APTX: variants seen among roughly 807,000 people sequenced by gnomAD.
APTX encodes the protein aprataxin.
Under a neutral mutation model 42.3 loss-of-function variants are expected in APTX, and 33 were observed. The ratio of observed to expected loss-of-function variants is 0.78; its 90% CI spans 0.59 to 1.04. The LOEUF (loss-of-function observed/expected upper bound fraction) is 1.04. Ranked by LOEUF, APTX falls within the 50% of genes least tolerant of loss-of-function variation. The pLI is 0.00. For synonymous variants in APTX, 130 were observed against 146.7 expected, an observed-to-expected ratio of 0.89 and a Z score of 0.82; for missense variants, 421 against 415.1, an observed-to-expected ratio of 1.01 and a Z score of -0.12.
At chr9:33,007,404 A>C (rs1290527072) in intron 1 of APTX, among the ~76,000 whole-genome samples, 1 of 152,224 alleles carries the variant, frequency 6.6e-6, no homozygotes, top group Non-Finnish European at 1.5e-5. Flanking sequence ...GTGAGCAAGA[A>C]TGGACTAGTG....
At chr9:33,000,315 A>G (rs1219968055) in intron 1 of APTX, among the ~76,000 whole-genome samples, 2 of 152,176 alleles carry the variant, frequency 1.3e-5, no homozygotes, top group Non-Finnish European at 2.9e-5. Context: ...CTGTGGACAT[A>G]TAAAAAGATC....
At chr9:32,981,842 G>A (rs1029838931) in intron 6 of APTX, among the ~76,000 whole-genome samples, 2 of 152,100 alleles carry the variant, frequency 1.3e-5, no homozygotes, top group Non-Finnish European at 2.9e-5. Flanking sequence ...TAATAAGTTA[G>A]GTGAAGGAAG....
intron 1 of APTX, chr9:33,016,335 C>T (rs1008795899): frequency 2.6e-5 from 4 of 152,088 alleles, no homozygotes; most frequent in Non-Finnish European, 5.9e-5. Context: ...TTTTCTTAAG[C>T]GTTTTAGCCA....
At chr9:33,024,665 G>A (rs921281521) in intron 1 of APTX, 1 of 152,196 alleles carries the variant, frequency 6.6e-6, no homozygotes, top group Non-Finnish European at 1.5e-5. Flanking sequence ...GTCCAGGGCA[G>A]ATAACATGTG....
At chr9:32,985,884 T>G in intron 5 of APTX, 87 bp downstream of exon 5, 1 of 1,196,212 alleles carries the variant, frequency 8.4e-7, no homozygotes, top group East Asian at 2.3e-5. Flanking sequence ...AAGACTGATA[T>G]CCTTTGATTT....
chr9:33,019,138 T>C (rs1246703482), intron 1 of APTX, among the ~76,000 whole-genome samples: 1 of 152,160 alleles, frequency 6.6e-6, no homozygotes, highest in African/African-American at 2.4e-5. Flanking sequence ...TAACAATAGG[T>C]TAAGACTGAG....
In APTX at chr9:32,972,683, A is replaced by G. The variant is rs1276133674; in HGVS notation, c.*815T>C. ...CTCTACGCAACTTTTTCATTCACCA[A>G]CCACCTTTCCATGCATCAGAACCTA... On this transcript the variant is annotated 3_prime_UTR_variant, in exon 8 of 8. Coordinates refer to ENST00000379817, the MANE Select transcript of APTX (RefSeq NM_001195248.2). The G allele has an allele frequency of 4.5e-6, 2 of 441,204 alleles. No individual in the cohort carries two copies. The highest frequency in any genetic ancestry group is 4.0e-5 in the African/African-American group (2 of 49,452). 27.3% of individuals were successfully genotyped at this position (441,204 alleles called of 1,614,324 possible).
chr9:32,980,453 G>C (rs934297652), intron 6 of APTX: 1 of 156,362 alleles, frequency 6.4e-6, no homozygotes, highest in Non-Finnish European at 1.4e-5. Context: ...GGTGAGAAGT[G>C]TGTAAAACTG....
chr9:32,988,666 G>A (rs1053834835), intron 2 of APTX, among the ~76,000 whole-genome samples: 3 of 110,544 alleles, frequency 2.7e-5, no homozygotes, highest in Non-Finnish European at 3.3e-5. Context: ...GGGCAACAGA[G>A]TGAGACCCTA....
intron 1 of APTX, among the ~76,000 whole-genome samples, chr9:33,009,561 T>C (rs1587642327): frequency 6.6e-6 from 1 of 152,138 alleles, no homozygotes; most frequent in East Asian, 1.9e-4. Context: ...GGAAGACTGC[T>C]TGAGACCAGA....
intron 1 of APTX, among the ~76,000 whole-genome samples, chr9:32,992,812 A>G (rs1236027969): frequency 6.6e-6 from 1 of 152,232 alleles, no homozygotes; most frequent in Admixed American, 6.5e-5. Context: ...GAGGTCAAAA[A>G]GGCAGTTCAG....
Position 32,973,634 on chromosome 9 carries a change from T to G in APTX, c.893A>C (p.Gln298Pro). The G allele has an allele frequency of 6.2e-7, 1 of 1,613,466 alleles. No individual in the cohort carries two copies. The change falls in exon 8 of 8, where the codon CAA (glutamine) becomes CCA (proline). Residue 298 changes from glutamine to proline, a missense_variant. Gln to Pro is a moderately conservative substitution (Grantham distance 76). Coordinates refer to ENST00000379817, the MANE Select transcript of APTX (RefSeq NM_001195248.2). ...LESQAVIEMVQEAGRVTVRDG... is the reference protein window; with the variant it reads ...LESQAVIEMVPEAGRVTVRDG... ...TCGGACAGTTACTCTACCAGCCTCT[T>G]GTACCATCTCGATCACAGCTGCAGG...
intron 1 of APTX, among the ~76,000 whole-genome samples, chr9:33,017,366 A>G (rs1456587872): frequency 2.6e-5 from 4 of 152,212 alleles, no homozygotes; most frequent in Non-Finnish European, 5.9e-5. Flanking sequence ...TGTAAGCTGG[A>G]AAGTCCAGGA....
In APTX at chr9:32,984,792, C is replaced by T; in HGVS notation, c.609G>A (p.Leu203=). The T allele has an allele frequency of 6.2e-7, 1 of 1,614,198 alleles. No individual in the cohort carries two copies. Among genetic ancestry groups the T allele is most frequent in the Middle Eastern group, 1.6e-4 (1 of 6,062 alleles). ...DKYPKARYHW[L]VLPWTSISSL... ...TGGAAATGGAGGTCCACGGTAAGAC[C>T]AGCCAATGGTAACGGGCCTTTGGGT... Residue 203 remains leucine (L), a synonymous_variant, in exon 6 of 8, where the codon CTG becomes CTA. Transcript: ENST00000379817.
intron 1 of APTX, among the ~76,000 whole-genome samples, chr9:32,994,852 G>A (rs1834452792): frequency 6.6e-6 from 1 of 152,118 alleles, no homozygotes; most frequent in South Asian, 2.1e-4. Context: ...ACTTTAAACT[G>A]AAGCCAACGC....
intron 6 of APTX, among the ~76,000 whole-genome samples, chr9:32,981,468 C>T (rs1587406552): frequency 6.6e-6 from 1 of 152,026 alleles, no homozygotes; most frequent in Non-Finnish European, 1.5e-5. Context: ...GCATTTCTGG[C>T]TCTATGGCTG....
intron 1 of APTX, chr9:33,020,094 G>A (rs898736747): frequency 1.6e-5 from 6 of 384,060 alleles, no homozygotes; most frequent in African/African-American, 1.0e-4. Flanking sequence ...CATCCCCGCA[G>A]TTGGCGCCTC....
chr9:32,974,698 G>T (rs1266320149), intron 6 of APTX, 137 bp from the exon 7 acceptor site: 8 of 653,014 alleles, frequency 1.2e-5, no homozygotes, highest in African/African-American at 1.8e-5. Context: ...AAGTGATAGT[G>T]TGTCCATTTA....
chr9:32,985,695 T>C (rs530246337), intron 5 of APTX, among the ~76,000 whole-genome samples: 6 of 152,202 alleles, frequency 3.9e-5, no homozygotes, highest in East Asian at 1.9e-4. Context: ...AAAGGAACCA[T>C]ACTAAGGTTA....
Sources: gnomAD v4.1 joint callset for allele counts (sites outside exome capture counted in the v4.1 genomes callset) on GRCh38, gnomAD v4.1.1 for gene constraint, MANE v1.5 for transcripts, NCBI Gene and HGNC (gene_info 2026-07-23, HGNC 2026-07-21) for gene names.